The following IL1RAPL1 variants were observed in gnomAD, a reference collection of about 807,000 sequenced individuals.
IL1RAPL1 encodes the protein interleukin-1 receptor accessory protein-like 1.
A neutral mutation model predicts 48.4 loss-of-function variants in IL1RAPL1; 3 were observed. The ratio of observed to expected loss-of-function variants is 0.06; its 90% CI spans 0.03 to 0.16. The LOEUF (loss-of-function observed/expected upper bound fraction) is 0.16. IL1RAPL1 is among the 10% of genes least tolerant of loss of function. The probability of loss-of-function intolerance (pLI) is 1.00; values close to 1 mark genes in which losing one functional copy is unlikely to be tolerated. For missense variants in IL1RAPL1, 349 were observed against 530.6 expected (o/e 0.66, Z 3.36); for synonymous variants, 185 against 187.7 (o/e 0.99, Z 0.12).
chrX:29,803,383 A>G (rs1237031311), intron 6 of IL1RAPL1, among the ~76,000 whole-genome samples: 1 of 88,573 alleles, frequency 1.1e-5, no homozygotes. Context: ...ATATGTATAC[A>G]TGTATACACA....
rs1051517849 is a variant in IL1RAPL1, at chrX:29,956,051, G to A, written c.*231G>A. 2.5e-6 allele frequency: 1 copy of A among 403,089 alleles called. No homozygotes were observed. The highest frequency in any genetic ancestry group is 4.6e-5 in the South Asian group (1 of 21,555). The allele number at this position is 403,089 out of a possible 1,213,427, so 33.2% of individuals were successfully genotyped here. A position where few individuals can be genotyped will look rare whatever the true frequency, so the allele number is the denominator to read the frequency against. On this transcript the variant is annotated 3_prime_UTR_variant, in exon 11 of 11. Transcript: ENST00000378993. Reference sequence around the variant, plus strand: ...ATTTTTTGACTTTGTTTTATATGTCGTTGGAATTTGTAAATTTACATTTTT... The same window carrying A: ...ATTTTTTGACTTTGTTTTATATGTCATTGGAATTTGTAAATTTACATTTTT...
At chrX:29,873,154 A>G (rs1931832255) in intron 6 of IL1RAPL1, among the ~76,000 whole-genome samples, 1 of 111,582 alleles carries the variant, frequency 9.0e-6, no homozygotes, top group Non-Finnish European at 1.9e-5. Flanking sequence ...CATGTCATTG[A>G]CTGACATAAC....
At chrX:29,042,234 A>G (rs1252479506) in intron 2 of IL1RAPL1, among the ~76,000 whole-genome samples, 1 of 111,789 alleles carries the variant, frequency 8.9e-6, no homozygotes, top group Non-Finnish European at 1.9e-5. Flanking sequence ...CTAAGACTGA[A>G]TGGAACTTGG....
At chrX:28,868,294 G>A (rs1404533025) in intron 2 of IL1RAPL1, among the ~76,000 whole-genome samples, 2 of 111,735 alleles carry the variant, frequency 1.8e-5, no homozygotes, top group African/African-American at 3.3e-5. Flanking sequence ...AGTTAGTTAT[G>A]TACCTTTAGC....
At chrX:28,971,225 T>G (rs1200079821) in intron 2 of IL1RAPL1, among the ~76,000 whole-genome samples, 2 of 111,956 alleles carry the variant, frequency 1.8e-5, no homozygotes, top group Non-Finnish European at 3.8e-5. Flanking sequence ...CATGAGAAGA[T>G]AAGATGTTTT....
chrX:29,089,133 A>T (rs1052892381), intron 2 of IL1RAPL1, among the ~76,000 whole-genome samples: 1 of 111,238 alleles, frequency 9.0e-6, no homozygotes, highest in Non-Finnish European at 1.9e-5. Flanking sequence ...CATGAGGGAG[A>T]CAGCAGTAAA....
At chrX:29,566,331 C>T (rs890064796) in intron 5 of IL1RAPL1, among the ~76,000 whole-genome samples, 4 of 111,468 alleles carry the variant, frequency 3.6e-5, no homozygotes, top group Admixed American at 1.9e-4. Context: ...CTAGGTGGTC[C>T]GCACCTATAA....
At chrX:29,408,486 C>T (rs1372159510) in intron 5 of IL1RAPL1, among the ~76,000 whole-genome samples, 1 of 110,621 alleles carries the variant, frequency 9.0e-6, no homozygotes, top group African/African-American at 3.3e-5. Context: ...TAAGGGAATA[C>T]CTTGTTAAAA....
At chrX:29,615,058 C>T (rs1382191966) in intron 5 of IL1RAPL1, among the ~76,000 whole-genome samples, 1 of 111,863 alleles carries the variant, frequency 8.9e-6, no homozygotes, top group Non-Finnish European at 1.9e-5. Context: ...TAGACATGTA[C>T]CCAAAGGTGC....
intron 2 of IL1RAPL1, among the ~76,000 whole-genome samples, chrX:29,206,414 A>G (rs1181075169): frequency 9.0e-6 from 1 of 111,359 alleles, no homozygotes; most frequent in Non-Finnish European, 1.9e-5. Context: ...AGTCTGGCTT[A>G]TTTATTAATA....
intron 5 of IL1RAPL1, among the ~76,000 whole-genome samples, chrX:29,622,444 A>G (rs1924490809): frequency 8.9e-6 from 1 of 112,233 alleles, no homozygotes; most frequent in South Asian, 3.6e-4. Flanking sequence ...TGTGTGCAAT[A>G]TATTGTACTG....
intron 2 of IL1RAPL1, among the ~76,000 whole-genome samples, chrX:29,206,232 T>C (rs1020541691): frequency 1.8e-5 from 2 of 111,653 alleles, no homozygotes; most frequent in Non-Finnish European, 3.8e-5. Context: ...TTTCCTTTAT[T>C]TATTTTGTGT....
intron 2 of IL1RAPL1, among the ~76,000 whole-genome samples, chrX:29,162,679 C>T (rs1415772439): frequency 1.8e-5 from 2 of 110,239 alleles, no homozygotes; most frequent in Non-Finnish European, 3.8e-5. Context: ...TAAATATCGC[C>T]CAGGGAGTAG....
intron 2 of IL1RAPL1, among the ~76,000 whole-genome samples, chrX:28,865,588 G>A (rs759561950): frequency 8.9e-5 from 10 of 112,083 alleles, no homozygotes; most frequent in Non-Finnish European, 1.7e-4. Context: ...ACATTTGAGA[G>A]GACTCGGTAT....
chrX:28,949,110 G>C (rs1924382065), intron 2 of IL1RAPL1, among the ~76,000 whole-genome samples: 1 of 110,003 alleles, frequency 9.1e-6, no homozygotes, highest in African/African-American at 3.3e-5. Context: ...CTAGTAGAGT[G>C]CTTTAGGTTA....
chrX:29,058,515 A>G (rs1021173596), intron 2 of IL1RAPL1, among the ~76,000 whole-genome samples: 37 of 112,308 alleles, frequency 3.3e-4, no homozygotes, highest in African/African-American at 1.2e-3. Flanking sequence ...GGAAACCTCA[A>G]TAATATTTTC....
chrX:29,181,225 A>G (rs1930137701), intron 2 of IL1RAPL1, among the ~76,000 whole-genome samples: 2 of 111,265 alleles, frequency 1.8e-5, no homozygotes, highest in Admixed American at 9.6e-5. Flanking sequence ...TGAGGATTAT[A>G]TAATATAGTA....
intron 5 of IL1RAPL1, among the ~76,000 whole-genome samples, chrX:29,498,789 T>C (rs910896486): frequency 5.4e-5 from 6 of 112,000 alleles, no homozygotes; most frequent in African/African-American, 1.9e-4. Context: ...GTCGTGTATG[T>C]ATAAAGCCAT....
At chrX:29,346,544 T>C (rs1204794728) in intron 3 of IL1RAPL1, among the ~76,000 whole-genome samples, 1 of 112,558 alleles carries the variant, frequency 8.9e-6, no homozygotes, top group African/African-American at 3.2e-5. Context: ...AGAGTTTACA[T>C]ATAAGACTGC....
Sources: gnomAD v4.1 joint callset for allele counts (sites outside exome capture counted in the v4.1 genomes callset) on GRCh38, gnomAD v4.1.1 for gene constraint, MANE v1.5 for transcripts, NCBI Gene and HGNC (gene_info 2026-07-23, HGNC 2026-07-21) for gene names.